Variants in B3GALT1 observed in about 807,000 individuals in gnomAD.
B3GALT1 encodes beta-1,3-galactosyltransferase 1.
A neutral mutation model predicts 23.2 loss-of-function variants in B3GALT1; 10 were observed. The ratio of observed to expected loss-of-function variants is 0.43; its 90% CI spans 0.27 to 0.73. The LOEUF (loss-of-function observed/expected upper bound fraction) is 0.73. Ranked by LOEUF, B3GALT1 falls within the 30% of genes least tolerant of loss-of-function variation. The probability of loss-of-function intolerance (pLI) is 0.21; values close to 1 mark genes in which losing one functional copy is unlikely to be tolerated. For missense variants in B3GALT1, 299 were observed against 405.4 expected, an observed-to-expected ratio of 0.74 and a Z score of 2.25; for synonymous variants, 156 against 141.5, an observed-to-expected ratio of 1.10 and a Z score of -0.73.
At chr2:167,823,417 A>T (rs1003199012) in intron 4 of B3GALT1, among the ~76,000 whole-genome samples, 1 of 152,202 alleles carries the variant, frequency 6.6e-6, no homozygotes, top group Non-Finnish European at 1.5e-5. Context: ...CCTCATTTGG[A>T]AATGGAGCAG....
chr2:167,735,674 A>G (rs1190079784), intron 3 of B3GALT1, among the ~76,000 whole-genome samples: 2 of 152,230 alleles, frequency 1.3e-5, no homozygotes. Flanking sequence ...GGAGGACAGG[A>G]AGGAAATGAA....
chr2:167,443,350 C>T, intron 1 of B3GALT1, among the ~76,000 whole-genome samples: 1 of 152,126 alleles, frequency 6.6e-6, no homozygotes, highest in Non-Finnish European at 1.5e-5. Context: ...ATTGACTTGG[C>T]AATGCGGACT....
chr2:167,729,601 A>T (rs1405553737), intron 3 of B3GALT1, among the ~76,000 whole-genome samples: 1 of 152,122 alleles, frequency 6.6e-6, no homozygotes, highest in Non-Finnish European at 1.5e-5. Flanking sequence ...TCTCTCTATT[A>T]TGTAAGATTT....
chr2:167,784,903 G>T (rs1688315141), intron 3 of B3GALT1, among the ~76,000 whole-genome samples: 1 of 152,116 alleles, frequency 6.6e-6, no homozygotes, highest in Non-Finnish European at 1.5e-5. Context: ...GTAATTTAAG[G>T]TGGTCTTTTT....
intron 4 of B3GALT1, among the ~76,000 whole-genome samples, chr2:167,842,886 T>C (rs750147514): frequency 1.3e-5 from 2 of 152,120 alleles, no homozygotes; most frequent in Admixed American, 6.5e-5. Flanking sequence ...AATAATAATA[T>C]GTATTAAGCA....
chr2:167,872,257 A>C lies in B3GALT1; in HGVS notation c.*2237A>C, dbSNP rs546832367. 1 of 152,302 alleles carries C rather than the reference A, an allele frequency of 6.6e-6. No homozygotes were observed. Among genetic ancestry groups the C allele is most frequent in the East Asian group, 1.9e-4 (1 of 5,178 alleles). The allele number at this position is 152,302 out of a possible 1,614,324, so 9.4% of individuals were successfully genotyped here. ...GAGCCCCCCGTAGGAGTTGATAGCA[A>C]ACAGATAGACACAATGAATAAGTGG... On this transcript the variant is annotated 3_prime_UTR_variant, in exon 5 of 5. Coordinates refer to ENST00000392690, the MANE Select transcript of B3GALT1 (RefSeq NM_020981.4).
chr2:167,604,007 T>C (rs554928486), intron 2 of B3GALT1, among the ~76,000 whole-genome samples: 27 of 152,262 alleles, frequency 1.8e-4, no homozygotes, highest in African/African-American at 5.1e-4. Context: ...AAATGTTCTA[T>C]AGAAAAATTG....
At chr2:167,799,268 C>G (rs1333595544) in intron 3 of B3GALT1, among the ~76,000 whole-genome samples, 1 of 151,926 alleles carries the variant, frequency 6.6e-6, no homozygotes, top group Non-Finnish European at 1.5e-5. Context: ...GAAGTCTATA[C>G]AATTCCAGTG....
At chr2:167,654,493 TTC>T (rs978021148) in intron 3 of B3GALT1, among the ~76,000 whole-genome samples, 33 of 151,948 alleles carry the variant, frequency 2.2e-4, no homozygotes, top group South Asian at 4.2e-4. Flanking sequence ...GCTTTTTGTT[TTC>T]TCTCTCTCTC....
chr2:167,701,632 C>T (rs1443068769), intron 3 of B3GALT1, among the ~76,000 whole-genome samples: 3 of 152,062 alleles, frequency 2.0e-5, no homozygotes, highest in Admixed American at 6.5e-5. Context: ...CTTCTTTATG[C>T]GCCTTTGTTT....
rs551942376 is a variant in B3GALT1, at chr2:167,869,948, G to A, written c.909G>A (p.Val303=). The part of the protein sequence containing the change: ...SLCRYRRVIT[V]HQISPEEMHR... ...GTAGGTATCGCCGAGTTATCACTGT[G>A]CATCAGATCTCTCCAGAAGAAATGC... Residue 303 remains valine, a synonymous_variant, in exon 5 of 5, where the codon GTG becomes GTA. Coordinates refer to ENST00000392690, the MANE Select transcript of B3GALT1 (RefSeq NM_020981.4). This position sits in a 1 kb window ranked among gnomAD's most constrained non-coding sequence, Gnocchi z 6.4. 6.2e-7 allele frequency: 1 copy of A among 1,613,990 alleles called. No individual in the cohort carries two copies. Among genetic ancestry groups the A allele is most frequent in the East Asian group, 2.2e-5 (1 of 44,880 alleles).
At chr2:167,610,926 AAGAG>A (rs1268333304) in intron 2 of B3GALT1, among the ~76,000 whole-genome samples, 7 of 139,664 alleles carry the variant, frequency 5.0e-5, no homozygotes, top group Admixed American at 1.5e-4. Context: ...AAAAAAAAAA[AAGAG>A]AGAGAGAGAG....
intron 3 of B3GALT1, among the ~76,000 whole-genome samples, chr2:167,667,354 C>G (rs574114127): frequency 6.6e-6 from 1 of 152,106 alleles, no homozygotes; most frequent in Non-Finnish European, 1.5e-5. Flanking sequence ...TTGAGGGTAA[C>G]CCGACCTTTC....
Position 167,593,562 on chromosome 2 carries a change from T to C in B3GALT1, c.-409-53347T>C, listed in dbSNP as rs74663659. On this transcript the variant is annotated intron_variant, in intron 2 of 4. Transcript: ENST00000392690. ...TCAAATGATTTCAGTTTTATAGATA[T>C]ACTTCAATTTTTTAAAGAAAGAATA... Among the ~76,000 whole-genome samples the C allele has an allele frequency of 2.4e-4, 37 of 152,354 alleles. No individual in the cohort carries two copies. The East Asian group carries it at 5.4e-3, about 22-fold the overall frequency.
At position 167,543,492 on chromosome 2, in the gene B3GALT1, G is replaced by T. The variant is rs557034635; in HGVS notation, c.-410+53215G>T. On this transcript the variant is annotated intron_variant, in intron 2 of 4. Transcript: ENST00000392690. Reference sequence around the variant, plus strand: ...TTGGTAAATGTCAATATAAAAAGATGTCTGAAAAATATAAGAAAAATTATG... The same window carrying T: ...TTGGTAAATGTCAATATAAAAAGATTTCTGAAAAATATAAGAAAAATTATG... Among the ~76,000 whole-genome samples the T allele has an allele frequency of 1.4e-3, 206 of 152,202 alleles. No homozygotes were observed. In the South Asian group the frequency reaches 0.016, roughly 12 times the overall value.
chr2:167,764,694 G>A (rs10180173), intron 3 of B3GALT1, among the ~76,000 whole-genome samples: 34,221 of 152,048 alleles, frequency 0.23, 4,367 homozygotes, highest in African/African-American at 0.34. Context: ...TTTCACATTA[G>A]CAAAAGGGCC....
At chr2:167,672,091 T>G (rs1286996328) in intron 3 of B3GALT1, among the ~76,000 whole-genome samples, 2 of 152,146 alleles carry the variant, frequency 1.3e-5, no homozygotes. Flanking sequence ...AATTTTTCTG[T>G]TATTTTTAAA....
At chr2:167,665,664 A>T (rs1335180542) in intron 3 of B3GALT1, among the ~76,000 whole-genome samples, 1 of 152,088 alleles carries the variant, frequency 6.6e-6, no homozygotes, top group Non-Finnish European at 1.5e-5. Context: ...CTATTCAGAG[A>T]TTCAACTTCT....
At chr2:167,564,288 C>T (rs1044034040) in intron 2 of B3GALT1, among the ~76,000 whole-genome samples, 1 of 151,796 alleles carries the variant, frequency 6.6e-6, no homozygotes, top group African/African-American at 2.4e-5. Context: ...AGACGCTCCC[C>T]CCCTCCCAGA....
Sources: allele counts gnomAD v4.1 joint callset (sites outside exome capture counted in the v4.1 genomes callset), GRCh38; gene constraint gnomAD v4.1.1; non-coding constraint Gnocchi (gnomAD v3.1); transcripts MANE v1.5; gene names NCBI Gene and HGNC (gene_info 2026-07-23, HGNC 2026-07-21).